RAPGEF4: variants seen among roughly 807,000 people sequenced by gnomAD.
RAPGEF4 encodes RAP guanine-nucleotide-exchange factor (GEF) 4.
In RAPGEF4, 66 loss-of-function variants were observed where a neutral mutation model predicts 147.9. The observed-to-expected ratio is 0.45, with a 90% CI of 0.37 to 0.55. The LOEUF (loss-of-function observed/expected upper bound fraction) is 0.55. RAPGEF4 is among the 20% of genes least tolerant of loss of function. The pLI, the probability that RAPGEF4 is intolerant of heterozygous loss-of-function variation, is 0.00. For missense variants in RAPGEF4, 1,071 were observed against 1,257.3 expected, an observed-to-expected ratio of 0.85 and a Z score of 2.24; for synonymous variants, 419 against 442.7, an observed-to-expected ratio of 0.95 and a Z score of 0.67.
chr2:172,860,112 T>A, intron 4 of RAPGEF4: 1 of 985,364 alleles, frequency 1.0e-6, no homozygotes, highest in Non-Finnish European at 1.2e-6. Context: ...ACATTAGTGC[T>A]AATATGCTGC....
intron 1 of RAPGEF4, among the ~76,000 whole-genome samples, chr2:172,738,550 A>G (rs1694017462): frequency 6.6e-6 from 1 of 152,210 alleles, no homozygotes; most frequent in Non-Finnish European, 1.5e-5. Flanking sequence ...CATGCCAGGG[A>G]GTGGTGTGGC....
At chr2:172,967,126 G>C in intron 9 of RAPGEF4, 135 bp from the exon 10 acceptor site, 1 of 803,776 alleles carries the variant, frequency 1.2e-6, no homozygotes, top group Non-Finnish European at 2.0e-6. Flanking sequence ...GGGCAGGGCA[G>C]AGTGAGAAGG....
At chr2:172,815,093 C>A (rs1228996890) in intron 4 of RAPGEF4, among the ~76,000 whole-genome samples, 1 of 152,210 alleles carries the variant, frequency 6.6e-6, no homozygotes, top group Non-Finnish European at 1.5e-5. Context: ...CCCAGCTAAG[C>A]CTTGCATCTT....
intron 4 of RAPGEF4, among the ~76,000 whole-genome samples, chr2:172,847,680 T>C (rs1310148643): frequency 2.0e-5 from 3 of 152,236 alleles, no homozygotes; most frequent in Non-Finnish European, 4.4e-5. Context: ...GGCTGGAGTC[T>C]AATCAGAGTC....
At chr2:173,046,713 A>G (rs927765114) in intron 29 of RAPGEF4, among the ~76,000 whole-genome samples, 2 of 152,194 alleles carry the variant, frequency 1.3e-5, no homozygotes, top group African/African-American at 2.4e-5. Flanking sequence ...GATTTGTGAT[A>G]TGTTTCTCAT....
intron 4 of RAPGEF4, among the ~76,000 whole-genome samples, chr2:172,826,816 C>CA (rs1375359768): frequency 1.3e-5 from 2 of 151,924 alleles, no homozygotes; most frequent in African/African-American, 2.4e-5. Context: ...GAAACACACA[C>CA]AAAAAATGAG....
chr2:172,846,697 A>C (rs1301105449), intron 4 of RAPGEF4, among the ~76,000 whole-genome samples: 1 of 152,168 alleles, frequency 6.6e-6, no homozygotes, highest in Admixed American at 6.5e-5. Context: ...ATGGTCCTGC[A>C]TTCTTGAGAT....
chr2:172,742,809 T>C (rs929822090), intron 1 of RAPGEF4, among the ~76,000 whole-genome samples: 9 of 152,200 alleles, frequency 5.9e-5, no homozygotes, highest in Non-Finnish European at 1.2e-4. Flanking sequence ...TGGGGATACA[T>C]GTAGGATTGG....
chr2:172,834,098 C>T (rs1269225382), intron 4 of RAPGEF4, among the ~76,000 whole-genome samples: 1 of 152,158 alleles, frequency 6.6e-6, no homozygotes, highest in Non-Finnish European at 1.5e-5. Flanking sequence ...AGGAAGAAGG[C>T]ATTTTGAAAT....
At chr2:173,013,614 A>C (rs1431512012) in intron 17 of RAPGEF4, among the ~76,000 whole-genome samples, 2 of 152,190 alleles carry the variant, frequency 1.3e-5, no homozygotes, top group Non-Finnish European at 2.9e-5. Context: ...CCTCCTGTAG[A>C]GCATACAAGA....
intron 3 of RAPGEF4, among the ~76,000 whole-genome samples, chr2:172,807,235 A>C (rs1687589581): frequency 1.3e-5 from 2 of 152,204 alleles, no homozygotes. Context: ...GGGTGGTTGG[A>C]TGCAAAACTG....
At chr2:172,904,990 G>A (rs1328922489) in intron 4 of RAPGEF4, among the ~76,000 whole-genome samples, 1 of 151,930 alleles carries the variant, frequency 6.6e-6, no homozygotes, top group East Asian at 1.9e-4. Context: ...GCCCCTGTGT[G>A]CTGAGGCCTC....
chr2:172,882,055 A>C (rs1025846755), intron 4 of RAPGEF4, among the ~76,000 whole-genome samples: 12 of 152,194 alleles, frequency 7.9e-5, no homozygotes, highest in African/African-American at 2.4e-4. Flanking sequence ...TGGTGTGTTC[A>C]TGTTAACAGG....
rs543306173 is a variant in RAPGEF4, at chr2:172,814,236, T to A, written c.298-43T>A. 43 of 1,601,632 alleles carry A rather than the reference T, an allele frequency of 2.7e-5. No individual in the cohort carries two copies. In the East Asian group the frequency reaches 9.4e-4, roughly 35 times the overall value. ...TAAAGAAAAGAAAACACCTACCCAT[T>A]AGATGTTTAATTTTCTAATGACTAG... On this transcript the variant is annotated intron_variant, in intron 3 of 30. Transcript: ENST00000397081.
chr2:172,944,731 T>C (rs1687518614), intron 6 of RAPGEF4, among the ~76,000 whole-genome samples: 1 of 152,176 alleles, frequency 6.6e-6, no homozygotes, highest in Non-Finnish European at 1.5e-5. Context: ...AGAGATACTG[T>C]GAAAATCTGT....
At chr2:173,026,494 A>G in intron 23 of RAPGEF4, 78 bp from the exon 24 acceptor site, 3 of 1,462,910 alleles carry the variant, frequency 2.1e-6, no homozygotes, top group Non-Finnish European at 2.8e-6. Flanking sequence ...CTTTCCCCTC[A>G]GAAACTCCTG....
chr2:172,899,844 G>T (rs538238677), intron 4 of RAPGEF4, among the ~76,000 whole-genome samples: 1 of 152,292 alleles, frequency 6.6e-6, no homozygotes, highest in African/African-American at 2.4e-5. Context: ...GGAGAAGGCA[G>T]GCTGTGGACC....
intron 18 of RAPGEF4, among the ~76,000 whole-genome samples, chr2:173,015,486 C>A (rs1194627834): frequency 6.6e-6 from 1 of 152,200 alleles, no homozygotes; most frequent in Non-Finnish European, 1.5e-5. Flanking sequence ...CTATTCATAT[C>A]ATTTCACAGC....
chr2:172,996,095 C>G (rs1007553422), intron 15 of RAPGEF4, among the ~76,000 whole-genome samples: 2 of 152,152 alleles, frequency 1.3e-5, no homozygotes, highest in African/African-American at 4.8e-5. Flanking sequence ...CTCTCACTTC[C>G]CCTCACCAGC....
Sources: allele counts gnomAD v4.1 joint callset (sites outside exome capture counted in the v4.1 genomes callset), GRCh38; gene constraint gnomAD v4.1.1; transcripts MANE v1.5; gene names NCBI Gene and HGNC (gene_info 2026-07-23, HGNC 2026-07-21).